The following CNTNAP5 variants were observed in gnomAD, a reference collection of about 807,000 sequenced individuals.
CNTNAP5 encodes the protein contactin-associated protein-like 5.
CNTNAP5 carries 72 observed loss-of-function variants against 150.2 expected under a neutral mutation model. The ratio of observed to expected loss-of-function variants is 0.48; its 90% CI spans 0.40 to 0.58. The LOEUF (loss-of-function observed/expected upper bound fraction) is 0.58. CNTNAP5 is among the 20% of genes least tolerant of loss of function. The pLI, the probability that CNTNAP5 is intolerant of heterozygous loss-of-function variation, is 0.00. For synonymous variants in CNTNAP5, 672 were observed against 619.8 expected, an observed-to-expected ratio of 1.08 and a Z score of -1.25; for missense variants, 1,636 against 1,626.2, an observed-to-expected ratio of 1.01 and a Z score of -0.10.
chr2:124,747,077 G>A (rs1011492146), intron 13 of CNTNAP5, among the ~76,000 whole-genome samples, 152 bp from the exon 14 acceptor site: 6 of 152,142 alleles, frequency 3.9e-5, no homozygotes, highest in South Asian at 2.1e-4. Context: ...GCAAAGGGAA[G>A]GGGGGATGTG....
intron 2 of CNTNAP5, among the ~76,000 whole-genome samples, chr2:124,232,502 G>A (rs1558812065): frequency 6.6e-6 from 1 of 152,040 alleles, no homozygotes. Context: ...AGTGAAAATG[G>A]CAACATATAA....
chr2:124,704,183 T>C (rs765405146), intron 13 of CNTNAP5, among the ~76,000 whole-genome samples: 1 of 152,122 alleles, frequency 6.6e-6, no homozygotes. Context: ...GCACTGGGAG[T>C]GGGGCGACCT....
chr2:124,803,437 C>A (rs534725772), intron 19 of CNTNAP5, among the ~76,000 whole-genome samples: 23 of 152,288 alleles, frequency 1.5e-4, no homozygotes, highest in Admixed American at 1.5e-3. Flanking sequence ...ATTCTTCCAT[C>A]ATCTTCTTTG....
chr2:124,851,107 G>A (rs116800403), intron 19 of CNTNAP5, among the ~76,000 whole-genome samples: 272 of 152,296 alleles, frequency 1.8e-3, no homozygotes, highest in African/African-American at 6.3e-3. Context: ...GCTCATGCCT[G>A]GAATTCCAAC....
intron 23 of CNTNAP5, among the ~76,000 whole-genome samples, chr2:124,912,080 C>T (rs1678669388): frequency 6.6e-6 from 1 of 152,014 alleles, no homozygotes; most frequent in South Asian, 2.1e-4. Flanking sequence ...CCTGCTTTTC[C>T]ATTTTCTCAT....
chr2:124,195,827 T>C (rs12473278), intron 1 of CNTNAP5, among the ~76,000 whole-genome samples: 120,760 of 152,002 alleles, frequency 0.79, 48,132 homozygotes, highest in East Asian at 1. Flanking sequence ...AATTTCATTT[T>C]TTCTAAGCAA....
At chr2:124,266,175 C>T (rs1687602464) in intron 3 of CNTNAP5, among the ~76,000 whole-genome samples, 2 of 152,122 alleles carry the variant, frequency 1.3e-5, no homozygotes, top group South Asian at 4.1e-4. Context: ...GGTAAGGGCC[C>T]ATCCAATGGC....
In CNTNAP5 at chr2:124,744,967, G is replaced by A. The variant is rs796281906; in HGVS notation, c.2078-2262G>A. ...TTTTGTTCTCTCTCTTTTTCTTCTT[G>A]CTTGTTGAGAGTCATTTGGTTAAAA... On this transcript the variant is annotated intron_variant, in intron 13 of 23. Transcript: ENST00000682447. Among the ~76,000 whole-genome samples, 5 of 151,926 alleles carry A rather than the reference G, an allele frequency of 3.3e-5. 1 individual carries two copies. The highest frequency in any genetic ancestry group is 1.2e-4 in the African/African-American group (5 of 41,430).
In CNTNAP5 at chr2:124,441,810, G is replaced by A. The variant is rs1034052958; in HGVS notation, c.734-4943G>A. Among the ~76,000 whole-genome samples, 4 of 151,254 alleles carry A rather than the reference G, an allele frequency of 2.6e-5. No homozygotes were observed. The East Asian group carries it at 5.8e-4, about 22-fold the overall frequency. On this transcript the variant is annotated intron_variant, in intron 5 of 23. Transcript: ENST00000682447. ...TAAGTCCCTTGATACTAACTGAAAT[G>A]TTTCTCCATAGAATTGGTGGGACTC...
chr2:124,756,659 A>G (rs1680845982), intron 14 of CNTNAP5, among the ~76,000 whole-genome samples: 1 of 152,180 alleles, frequency 6.6e-6, no homozygotes, highest in African/African-American at 2.4e-5. Flanking sequence ...AAATTAACAC[A>G]GGAGGAGGAA....
At chr2:124,268,359 A>G (rs1558827338) in intron 3 of CNTNAP5, among the ~76,000 whole-genome samples, 1 of 152,142 alleles carries the variant, frequency 6.6e-6, no homozygotes, top group Non-Finnish European at 1.5e-5. Flanking sequence ...TACAGATATT[A>G]TAAATTTAAA....
intron 1 of CNTNAP5, 112 bp downstream of exon 1, chr2:124,025,844 GA>G (rs1277903433): frequency 4.3e-5 from 39 of 909,484 alleles, no homozygotes; most frequent in South Asian, 5.7e-5. Context: ...AAAGGAAACG[GA>G]AAAAAAATGC....
intron 1 of CNTNAP5, among the ~76,000 whole-genome samples, chr2:124,190,967 A>T (rs1318464485): frequency 1.3e-5 from 2 of 152,146 alleles, no homozygotes; most frequent in East Asian, 1.9e-4. Context: ...TCTATTGTTT[A>T]TCTTGCAAAA....
chr2:124,146,222 A>C lies in CNTNAP5; in HGVS notation c.83-75483A>C, dbSNP rs58350529. 2.9e-3 allele frequency among the ~76,000 whole-genome samples: 440 copies of C among 152,308 alleles called. 2 individuals are homozygous for C. The highest frequency in any genetic ancestry group is 0.01 in the African/African-American group (420 of 41,578). On this transcript the variant is annotated intron_variant, in intron 1 of 23. Coordinates refer to ENST00000682447, the MANE Select transcript of CNTNAP5 (RefSeq NM_001367498.1). ...AAGCTGCCACCTCAGCTCAGACCCG[A>C]GCTGTTAAATGCCTAGATGCCTAAC...
chr2:124,071,361 A>C (rs1006588868), intron 1 of CNTNAP5, among the ~76,000 whole-genome samples: 1 of 151,918 alleles, frequency 6.6e-6, no homozygotes, highest in African/African-American at 2.4e-5. Flanking sequence ...TTGGGGCACA[A>C]ATAAATAAAA....
intron 13 of CNTNAP5, among the ~76,000 whole-genome samples, chr2:124,743,519 A>C (rs1422554169): frequency 6.6e-6 from 1 of 152,172 alleles, no homozygotes; most frequent in Admixed American, 6.5e-5. Flanking sequence ...GGGTCTGCAG[A>C]AACTCATCTT....
chr2:124,435,066 G>T (rs1692494176), intron 5 of CNTNAP5, among the ~76,000 whole-genome samples: 1 of 152,156 alleles, frequency 6.6e-6, no homozygotes, highest in South Asian at 2.1e-4. Flanking sequence ...GAAAATGACG[G>T]GGAAACATTT....
chr2:124,715,791 G>A (rs918049660), intron 13 of CNTNAP5, among the ~76,000 whole-genome samples: 2 of 152,268 alleles, frequency 1.3e-5, no homozygotes, highest in Admixed American at 1.3e-4. Context: ...ATAGAAAGAA[G>A]GAGATTGGAT....
intron 7 of CNTNAP5, among the ~76,000 whole-genome samples, chr2:124,496,511 G>A (rs1438474320): frequency 2.0e-5 from 3 of 152,218 alleles, no homozygotes; most frequent in Non-Finnish European, 4.4e-5. Flanking sequence ...AGGGTGTTGT[G>A]GCGTCTAGAT....
Sources: gnomAD v4.1 joint callset for allele counts (sites outside exome capture counted in the v4.1 genomes callset) on GRCh38, gnomAD v4.1.1 for gene constraint, MANE v1.5 for transcripts, NCBI Gene and HGNC (gene_info 2026-07-23, HGNC 2026-07-21) for gene names.